The following ARMCX4 variants were observed in gnomAD, a reference collection of about 807,000 sequenced individuals.
The protein encoded by ARMCX4 is armadillo repeat-containing X-linked protein 4.
In ARMCX4, 3 loss-of-function variants were observed where a neutral mutation model predicts 34.7. The observed-to-expected ratio is 0.09, with a 90% CI of 0.04 to 0.22. ARMCX4 has a LOEUF of 0.22. ARMCX4 is among the 10% of genes least tolerant of loss of function. The pLI is 1.00. For missense variants in ARMCX4, 1,448 were observed against 1,720.8 expected (o/e 0.84, Z 2.81); for synonymous variants, 513 against 632.8 (o/e 0.81, Z 2.84).
At chrX:101,433,228 A>G (rs868975440) in intron 2 of ARMCX4, among the ~76,000 whole-genome samples, 4 of 27,253 alleles carry the variant, frequency 1.5e-4, no homozygotes, top group Non-Finnish European at 5.0e-4. Flanking sequence ...ATATACATAT[A>G]TGTACACATA....
At chrX:101,464,004 T>C (rs782446963) in intron 4 of ARMCX4, among the ~76,000 whole-genome samples, 7 of 110,216 alleles carry the variant, frequency 6.4e-5, no homozygotes, top group South Asian at 8.0e-4. Flanking sequence ...GTGATCCACC[T>C]GCCTCGGCCT....
chrX:101,504,416 A>G (rs191654973), intron 7 of ARMCX4, among the ~76,000 whole-genome samples: 213 of 96,489 alleles, frequency 2.2e-3, no homozygotes, highest in Non-Finnish European at 3.4e-3. Flanking sequence ...TTCCTACCCA[A>G]GTGTTCTTTA....
At chrX:101,450,419 CAGCTTGT>C (rs2147584114), downstream of ARMCX4, among the ~76,000 whole-genome samples, 1 of 111,830 alleles carries the variant, frequency 8.9e-6, no homozygotes, top group Non-Finnish European at 1.9e-5. Context: ...GCTGTGCAGT[CAGCTTGT>C]AGTGAGTGCT....
At chrX:101,482,388 ATTCTTTTCTT>A (rs76465820), upstream of ARMCX4, among the ~76,000 whole-genome samples, 3 of 107,747 alleles carry the variant, frequency 2.8e-5, no homozygotes, top group Non-Finnish European at 5.8e-5. Context: ...GGGTTTGACT[ATTCTTTTCTT>A]TTCTTTTCTT....
chrX:101,513,942 G>A (rs1934653656), intron 11 of ARMCX4, among the ~76,000 whole-genome samples: 1 of 110,348 alleles, frequency 9.1e-6, no homozygotes, highest in Non-Finnish European at 1.9e-5. Context: ...GTGCATGGTA[G>A]CACTAAGCCC....
intron 11 of ARMCX4, among the ~76,000 whole-genome samples, chrX:101,516,161 T>C (rs1934741331): frequency 9.0e-6 from 1 of 111,642 alleles, no homozygotes; most frequent in African/African-American, 3.3e-5. Context: ...TCCACATTCT[T>C]ATTTGCAAAA....
chrX:101,529,426 A>G (rs1249476213), intron 11 of ARMCX4, among the ~76,000 whole-genome samples: 10 of 112,108 alleles, frequency 8.9e-5, no homozygotes, highest in Non-Finnish European at 1.7e-4. Context: ...GGCATAGTCA[A>G]GGACTTCATG....
chrX:101,524,029 G>A (rs1343665398), intron 11 of ARMCX4, among the ~76,000 whole-genome samples: 1 of 110,057 alleles, frequency 9.1e-6, no homozygotes, highest in Non-Finnish European at 1.9e-5. Context: ...CTTTCCTCCT[G>A]GGAAGAATCC....
intron 2 of ARMCX4, among the ~76,000 whole-genome samples, chrX:101,441,240 A>G (rs958920299): frequency 2.7e-5 from 3 of 111,142 alleles, no homozygotes; most frequent in Non-Finnish European, 5.7e-5. Flanking sequence ...TCCCAGCTTT[A>G]CTGATAATGA....
intron 11 of ARMCX4, among the ~76,000 whole-genome samples, chrX:101,523,130 T>C (rs1457557407): frequency 9.0e-6 from 1 of 111,445 alleles, no homozygotes; most frequent in Non-Finnish European, 1.9e-5. Flanking sequence ...CCTATAAACA[T>C]AGGGCAAAAG....
chrX:101,524,221 A>C (rs1442358704), intron 11 of ARMCX4: 2 of 112,431 alleles, frequency 1.8e-5, no homozygotes, highest in African/African-American at 6.5e-5. Flanking sequence ...GAAAGATATA[A>C]ATTTATAAAT....
At chrX:101,519,515 A>G (rs1196395040) in intron 11 of ARMCX4, among the ~76,000 whole-genome samples, 1 of 111,701 alleles carries the variant, frequency 9.0e-6, no homozygotes, top group African/African-American at 3.2e-5. Context: ...TTCTTTTTAA[A>G]GACTGAATAA....
chrX:101,462,127 AAT>A (rs1932639291), intron 4 of ARMCX4, among the ~76,000 whole-genome samples: 1 of 112,120 alleles, frequency 8.9e-6, no homozygotes, highest in African/African-American at 3.2e-5. Context: ...AGTTTTGAAG[AAT>A]ATGTGTATTT....
At chrX:101,422,172 T>C (rs1446923254) in intron 2 of ARMCX4, among the ~76,000 whole-genome samples, 2 of 108,191 alleles carry the variant, frequency 1.8e-5, no homozygotes, top group Non-Finnish European at 3.8e-5. Flanking sequence ...CCCGCCACTA[T>C]GCCAGGCCAA....
chrX:101,497,340 G>A (rs186131744), downstream of ARMCX4, among the ~76,000 whole-genome samples: 62 of 109,791 alleles, frequency 5.6e-4, no homozygotes, highest in East Asian at 0.016. Context: ...GGGTTCAAGC[G>A]ATTCTCCTGC....
In ARMCX4 at chrX:101,490,085, T is replaced by C. The variant is rs1556008231; in HGVS notation, c.1496T>C (p.Met499Thr). Residue 499 changes from methionine (M) to threonine (T), a missense_variant, in exon 6 of 6, where the codon ATG (methionine) becomes ACG (threonine). Transcript: ENST00000423738. ...AAGGTCAGGGGCAATGTCAATACCA[T>C]GCCTAAGGAAGGAGCTGGGGTGGAT... The part of the protein sequence containing the change: ...KIKVRGNVNT[M>T]PKEGAGVDMK... 1.7e-6 allele frequency: 2 copies of C among 1,155,938 alleles called. No individual in the cohort carries two copies. Among genetic ancestry groups the C allele is most frequent in the Non-Finnish European group, 2.3e-6 (2 of 872,900 alleles).
Position 101,491,656 on chromosome X carries a change from G to A in ARMCX4, c.3067G>A (p.Gly1023Ser). The A allele has an allele frequency of 8.6e-7, 1 of 1,156,598 alleles. No individual in the cohort carries two copies. Among genetic ancestry groups the A allele is most frequent in the Non-Finnish European group, 1.1e-6 (1 of 873,045 alleles). Reference sequence around the variant, plus strand: ...TGTGCCTAAAGCAGGGACTGGGGCAGGCACAAGGCACTCTGCCCAGCCTCA... The same window carrying A: ...TGTGCCTAAAGCAGGGACTGGGGCAAGCACAAGGCACTCTGCCCAGCCTCA... ...IAVPKAGTGA[G>S]TRHSAQPQIV... Residue 1023 changes from glycine to serine, a missense_variant, in exon 6 of 6, where the codon GGC becomes AGC. Transcript: ENST00000423738.
chrX:101,479,461 T>G (rs1933346122), intron 4 of ARMCX4, among the ~76,000 whole-genome samples: 1 of 108,606 alleles, frequency 9.2e-6, no homozygotes, highest in South Asian at 3.9e-4. Flanking sequence ...TTTTAATTAT[T>G]CCTTAAGTTG....
At chrX:101,531,655 G>A (rs930903140) in exon 12 of ARMCX4, 6 of 111,313 alleles carry the variant, frequency 5.4e-5, no homozygotes, top group African/African-American at 1.6e-4. Flanking sequence ...TTTTAGCATC[G>A]ATATTATGGA....
Sources: gnomAD v4.1 joint callset for allele counts (sites outside exome capture counted in the v4.1 genomes callset) on GRCh38, gnomAD v4.1.1 for gene constraint, MANE v1.5 for transcripts, NCBI Gene and HGNC (gene_info 2026-07-23, HGNC 2026-07-21) for gene names.